The following FER variants were observed in gnomAD, a reference collection of about 807,000 sequenced individuals.
The protein encoded by FER is FER tyrosine kinase.
A neutral mutation model predicts 111.0 loss-of-function variants in FER; 63 were observed. The observed-to-expected ratio is 0.57, with a 90% CI of 0.46 to 0.70. FER has a LOEUF of 0.70. Among genes scored for constraint, FER ranks in the 30% least tolerant of loss-of-function variants. The probability of loss-of-function intolerance (pLI) is 0.00; values close to 1 mark genes in which losing one functional copy is unlikely to be tolerated. For missense variants in FER, 914 were observed against 954.0 expected (o/e 0.96, Z 0.55); for synonymous variants, 327 against 313.9 (o/e 1.04, Z -0.44).
chr5:109,099,490 G>C (rs189530432), intron 16 of FER, among the ~76,000 whole-genome samples: 2 of 151,422 alleles, frequency 1.3e-5, no homozygotes, highest in Admixed American at 1.3e-4. Context: ...ATATAGATCA[G>C]ATATTTCAGA....
intron 5 of FER, among the ~76,000 whole-genome samples, chr5:108,862,925 A>G (rs1297954480): frequency 6.6e-6 from 1 of 151,996 alleles, no homozygotes; most frequent in Admixed American, 6.6e-5. Flanking sequence ...GTGAACTTTT[A>G]CTCTTATTCA....
chr5:109,036,167 T>A (rs1770364895), intron 13 of FER, among the ~76,000 whole-genome samples: 2 of 152,172 alleles, frequency 1.3e-5, no homozygotes, highest in South Asian at 4.1e-4. Context: ...GGTCCAATTT[T>A]CATTTCTTTT....
intron 18 of FER, among the ~76,000 whole-genome samples, chr5:109,182,904 T>C (rs1252545349): frequency 5.9e-5 from 9 of 152,192 alleles, no homozygotes; most frequent in Admixed American, 6.5e-5. Context: ...TGCGGCGGCA[T>C]AATCATGGCT....
At chr5:109,029,220 CT>C (rs558664340) in intron 13 of FER, among the ~76,000 whole-genome samples, 13,758 of 109,932 alleles carry the variant, frequency 0.13, 688 homozygotes, top group Middle Eastern at 0.17. Flanking sequence ...TTTAGGCTTT[CT>C]TTTTTTTTTT....
At chr5:109,177,841 C>G (rs1355930639) in intron 17 of FER, among the ~76,000 whole-genome samples, 1 of 152,160 alleles carries the variant, frequency 6.6e-6, no homozygotes, top group Non-Finnish European at 1.5e-5. Flanking sequence ...GTCTCTGATA[C>G]CTCAGGTGAA....
intron 2 of FER, among the ~76,000 whole-genome samples, chr5:108,778,443 A>G (rs75456633): frequency 3.9e-5 from 6 of 152,324 alleles, no homozygotes; most frequent in East Asian, 1.9e-4. Context: ...TTGCATTCTT[A>G]CCAGCAATAA....
intron 2 of FER, among the ~76,000 whole-genome samples, chr5:108,773,338 C>G (rs1320742736): frequency 2.0e-5 from 3 of 152,106 alleles, no homozygotes; most frequent in Admixed American, 6.5e-5. Flanking sequence ...GATGCTCTCC[C>G]TTTCCCCACA....
intron 17 of FER, among the ~76,000 whole-genome samples, chr5:109,130,464 T>C (rs1752237942): frequency 6.6e-6 from 1 of 151,592 alleles, no homozygotes; most frequent in South Asian, 2.1e-4. Context: ...ACTACATATG[T>C]AATTTTAAAA....
At chr5:109,138,559 G>C (rs1032006384) in intron 17 of FER, among the ~76,000 whole-genome samples, 1 of 152,062 alleles carries the variant, frequency 6.6e-6, no homozygotes, top group African/African-American at 2.4e-5. Context: ...TCAGCTAAAG[G>C]CCTTAGACTT....
chr5:108,770,075 A>G (rs940741019), intron 2 of FER, among the ~76,000 whole-genome samples: 2 of 152,092 alleles, frequency 1.3e-5, no homozygotes, highest in Non-Finnish European at 2.9e-5. Flanking sequence ...CAGCCTCCCA[A>G]GTAGCTGGGA....
chr5:108,893,643 GGTGACA>G lies in FER; in HGVS notation c.1047-4012_1047-4007del, dbSNP rs1441176805. 9.2e-5 allele frequency among the ~76,000 whole-genome samples: 14 copies of G among 152,150 alleles called. No individual in the cohort carries two copies. The South Asian group carries it at 2.9e-3, about 32-fold the overall frequency. ...CACAGACAGCATGTTCAGCATTCTA[GGTGACA>G]GTGTCCCCATAAGTCTCCCCCCATA... is the stretch of plus-strand genomic sequence containing the variant. On this transcript the variant is annotated intron_variant, in intron 9 of 19. Coordinates refer to ENST00000281092, the MANE Select transcript of FER (RefSeq NM_005246.4).
At chr5:109,095,186 C>T (rs1747345941) in intron 16 of FER, among the ~76,000 whole-genome samples, 1 of 152,072 alleles carries the variant, frequency 6.6e-6, no homozygotes, top group African/African-American at 2.4e-5. Flanking sequence ...TTAGGAAACC[C>T]ACACATTCAG....
At chr5:108,785,316 C>T (rs934794001) in intron 2 of FER, 1 of 559,312 alleles carries the variant, frequency 1.8e-6, no homozygotes, top group Admixed American at 2.1e-5. Context: ...ATTATCAACA[C>T]CCTGTGCTTC....
chr5:109,122,202 C>A (rs1751066445), intron 17 of FER, among the ~76,000 whole-genome samples: 1 of 152,014 alleles, frequency 6.6e-6, no homozygotes, highest in Admixed American at 6.6e-5. Flanking sequence ...GATATAGGCC[C>A]TTACAGCTCT....
intron 2 of FER, among the ~76,000 whole-genome samples, chr5:108,786,396 C>T (rs1425354165): frequency 6.6e-6 from 1 of 152,224 alleles, no homozygotes; most frequent in Non-Finnish European, 1.5e-5. Context: ...AGAATATCTT[C>T]TGGCCTGGTT....
intron 9 of FER, chr5:108,894,556 A>G: frequency 2.4e-6 from 1 of 409,412 alleles, no homozygotes; most frequent in South Asian, 2.3e-5. Context: ...AGGGTTCCAC[A>G]GATGCTCAGG....
chr5:108,985,832 A>G (rs2149733581), intron 13 of FER, among the ~76,000 whole-genome samples: 1 of 152,210 alleles, frequency 6.6e-6, no homozygotes, highest in African/African-American at 2.4e-5. Flanking sequence ...TTATCCACTC[A>G]TTGATTGATG....
intron 5 of FER, among the ~76,000 whole-genome samples, chr5:108,837,589 GT>G (rs1760803951): frequency 6.6e-6 from 1 of 152,070 alleles, no homozygotes; most frequent in Non-Finnish European, 1.5e-5. Context: ...TTCGCACTAG[GT>G]TTGTATATGT....
At chr5:109,016,329 A>G (rs1767115469) in intron 13 of FER, among the ~76,000 whole-genome samples, 1 of 152,010 alleles carries the variant, frequency 6.6e-6, no homozygotes, top group Admixed American at 6.6e-5. Flanking sequence ...ATACTGGAGG[A>G]TTAGTTTCTG....
Sources: allele counts gnomAD v4.1 joint callset (sites outside exome capture counted in the v4.1 genomes callset), GRCh38; gene constraint gnomAD v4.1.1; transcripts MANE v1.5; gene names NCBI Gene and HGNC (gene_info 2026-07-23, HGNC 2026-07-21).